CZIB: variants seen among roughly 807,000 people sequenced by gnomAD.
The protein encoded by CZIB is UPF0587 protein C1orf123.
CZIB carries 26 observed loss-of-function variants against 28.3 expected under a neutral mutation model. The ratio of observed to expected loss-of-function variants is 0.92; its 90% CI spans 0.67 to 1.27. CZIB has a LOEUF of 1.27. Among genes scored for constraint, CZIB ranks in the 50% most tolerant of loss-of-function variants. The pLI, the probability that CZIB is intolerant of heterozygous loss-of-function variation, is 0.00. For missense variants in CZIB, 179 were observed against 197.3 expected (o/e 0.91, Z 0.56); for synonymous variants, 78 against 71.1 (o/e 1.10, Z -0.49).
intron 2 of CZIB, chr1:53,219,564 G>A (rs1377126444): frequency 1.3e-5 from 2 of 153,160 alleles, no homozygotes; most frequent in East Asian, 3.9e-4. Flanking sequence ...TATGTCACTG[G>A]TATAAGCACT....
At chr1:53,217,839 C>T (rs1010085307) in intron 5 of CZIB, 6 of 319,636 alleles carry the variant, frequency 1.9e-5, no homozygotes, top group Non-Finnish European at 3.5e-5. Flanking sequence ...ATGCACCAAA[C>T]GACTACCCCA....
chr1:53,218,209 A>G lies in CZIB; in HGVS notation c.230-6T>C. On this transcript the variant is annotated splice_region_variant and splice_polypyrimidine_tract_variant and intron_variant, in intron 4 of 7. Transcript: ENST00000294360. ...GATGGTGCTGCTTAAAATCTCTGAA[A>G]TAGAAAAGAGAACACAAAGTTGACT... 1 of 1,614,116 alleles carries G rather than the reference A, an allele frequency of 6.2e-7. No homozygotes were observed. The highest frequency in any genetic ancestry group is 8.5e-7 in the Non-Finnish European group (1 of 1,179,966).
chr1:53,214,520 A>G lies in CZIB; in HGVS notation c.*139T>C, dbSNP rs959829040. 3.0e-6 allele frequency: 2 copies of G among 672,216 alleles called. No individual in the cohort carries two copies. Among genetic ancestry groups the G allele is most frequent in the Non-Finnish European group, 5.1e-6 (2 of 390,050 alleles). 41.6% of individuals were successfully genotyped at this position (672,216 alleles called of 1,614,324 possible). A position where few individuals can be genotyped will look rare whatever the true frequency, so the allele number is the denominator to read the frequency against. On this transcript the variant is annotated 3_prime_UTR_variant, in exon 8 of 8. Transcript: ENST00000294360. ...TTGATGGGGCTTGGGAAGCTGTAAT[A>G]AAGTCCAGCATGCAGATTGTGAAGG... is the stretch of plus-strand genomic sequence containing the variant.
intron 5 of CZIB, chr1:53,217,847 C>T (rs1470925401): frequency 3.0e-6 from 1 of 338,428 alleles, no homozygotes; most frequent in African/African-American, 2.1e-5. Context: ...AACGACTACC[C>T]CACCCATGGT....
Position 53,220,339 on chromosome 1 carries a change from G to C in CZIB, c.12C>G (p.Ile4Met). MGK[I>M]ALQLKATLEN... ...CCAGCGTGGCTTTGAGTTGCAGCGC[G>C]ATTTTCTGAGGGGGAGGGCCAGAGC... The change falls in exon 2 of 8, where the codon ATC (isoleucine) becomes ATG (methionine). Residue 4 changes from isoleucine (I) to methionine (M), a missense_variant. Coordinates refer to ENST00000294360, the MANE Select transcript of CZIB (RefSeq NM_017887.3). 1 of 1,612,682 alleles carries C rather than the reference G, an allele frequency of 6.2e-7. No individual in the cohort carries two copies. The highest frequency in any genetic ancestry group is 8.5e-7 in the Non-Finnish European group (1 of 1,179,898).
chr1:53,215,960 C>T, intron 7 of CZIB, 31 bp downstream of exon 7: 2 of 1,609,750 alleles, frequency 1.2e-6, no homozygotes, highest in Non-Finnish European at 1.7e-6. Context: ...AGGTGCCCTA[C>T]AGTACCTCCC....
In CZIB at chr1:53,218,951, C is replaced by A. The variant is rs201404636; in HGVS notation, c.91-28G>T. 68 of 1,602,324 alleles carry A rather than the reference C, an allele frequency of 4.2e-5. No homozygotes were observed. In the East Asian group the frequency reaches 1.4e-3, roughly 33 times the overall value. ...TTGGGGAAAAAGAATGTTAGTAAAGCAGCTGGCTCTGCTGCACAGACACCA... is the reference window on the plus strand; with the variant it reads ...TTGGGGAAAAAGAATGTTAGTAAAGAAGCTGGCTCTGCTGCACAGACACCA... On this transcript the variant is annotated intron_variant, in intron 2 of 7. Transcript: ENST00000294360.
rs377269419 is a variant in CZIB, at chr1:53,220,284, C to A, written c.67G>T (p.Glu23Ter). 2 of 1,613,460 alleles carry A rather than the reference C, an allele frequency of 1.2e-6. No homozygotes were observed. The highest frequency in any genetic ancestry group is 1.1e-5 in the South Asian group (1 of 91,084). Residue 23 changes from glutamate to a stop codon, truncating the protein, a stop_gained, in exon 2 of 8, where the codon GAG becomes TAG. Coordinates refer to ENST00000294360, the MANE Select transcript of CZIB (RefSeq NM_017887.3). LOFTEE classifies it high-confidence loss of function. ...ACCTTCAGGTACCACCGGAAGTCCT[C>A]GCCCACGGGCCGGAGGTTGGTGATG... ...ENITNLRPVGEDFRWYLKMKC... is the reference protein window; with the variant it reads ...ENITNLRPVG
intron 3 of CZIB, 88 bp downstream of exon 3, chr1:53,218,779 G>C: frequency 1.5e-6 from 2 of 1,339,602 alleles, no homozygotes; most frequent in Non-Finnish European, 2.1e-6. Context: ...GAACTGGAGA[G>C]ATGAAGGCCA....
Position 53,220,567 on chromosome 1 carries a change from C to G in CZIB, c.6+3G>C. On this transcript the variant is annotated splice_donor_region_variant and intron_variant, in intron 1 of 7. Transcript: ENST00000294360. ...GTCCCCGCGGCGGGCGGCCTCCCCT[C>G]ACCCCCATGGTAGCCCTCTCCGCCC... 1 of 1,599,006 alleles carries G rather than the reference C, an allele frequency of 6.3e-7. No individual in the cohort carries two copies. The highest frequency in any genetic ancestry group is 1.1e-5 in the South Asian group (1 of 90,956).
chr1:53,216,820 C>A lies in CZIB; in HGVS notation c.301G>T (p.Glu101Ter). The change falls in exon 6 of 8, where the codon GAG becomes TAG. Residue 101 changes from glutamate (E) to a stop codon, truncating the protein, a stop_gained. Coordinates refer to ENST00000294360, the MANE Select transcript of CZIB (RefSeq NM_017887.3). LOFTEE classifies it high-confidence loss of function. ...TCAACTGGTTCAAGGCCCCGGCACT[C>A]AAACTCCACTATTGTCTTGAAGTTC... is the stretch of plus-strand genomic sequence containing the variant. The part of the protein sequence containing the change: ...NENFKTIVEF[E>*]CRGLEPVDFQ... 1 of 1,614,224 alleles carries A rather than the reference C, an allele frequency of 6.2e-7. No individual in the cohort carries two copies. The highest frequency in any genetic ancestry group is 1.1e-5 in the South Asian group (1 of 91,084).
chr1:53,215,920 G>A (rs1645469012), intron 7 of CZIB, 71 bp downstream of exon 7: 2 of 1,494,516 alleles, frequency 1.3e-6, no homozygotes, highest in African/African-American at 2.8e-5. Flanking sequence ...CCATTGATGA[G>A]CCTTGTCCAC....
chr1:53,220,444 A>G, intron 1 of CZIB, 100 bp from the exon 2 acceptor site: 2 of 1,575,528 alleles, frequency 1.3e-6, no homozygotes, highest in Non-Finnish European at 8.6e-7. Context: ...ACAGGGAGAC[A>G]CTCCTTCTGC....
Position 53,218,174 on chromosome 1 carries a change from T to C in CZIB, c.259A>G (p.Asn87Asp). 2 of 1,614,114 alleles carry C rather than the reference T, an allele frequency of 1.2e-6. No homozygotes were observed. The highest frequency in any genetic ancestry group is 1.1e-5 in the South Asian group (1 of 91,076). Reference sequence around the variant, plus strand: ...TGCCACTACAGCAGCAAACTTACATTGTAAGGCTTGATGGTGCTGCTTAAA... The same window carrying C: ...TGCCACTACAGCAGCAAACTTACATCGTAAGGCTTGATGGTGCTGCTTAAA... ...EILSSTIKPY[N>D]AEDNENFKTI... The change falls in exon 5 of 8, where the codon AAT (asparagine) becomes GAT (aspartate). Residue 87 changes from asparagine to aspartate, a missense_variant and splice_region_variant. Asn to Asp is a conservative substitution (Grantham distance 23). Transcript: ENST00000294360.
rs1134688 is a variant in CZIB, at chr1:53,216,027, T to A, written c.369A>T (p.Ser123=). 1.2e-6 allele frequency: 2 copies of A among 1,613,976 alleles called. No individual in the cohort carries two copies. Among genetic ancestry groups the A allele is most frequent in the Non-Finnish European group, 1.7e-6 (2 of 1,179,904 alleles). The change falls in exon 7 of 8, where the codon TCA becomes TCT. Residue 123 remains serine (S), a synonymous_variant. Coordinates refer to ENST00000294360, the MANE Select transcript of CZIB (RefSeq NM_017887.3). The stretch of plus-strand genomic sequence containing the variant: ...GATTAATGTCACTGAAGGCTGTCCC[T>A]GACTCCACACCTTCAGCAGCAAACC... ...QAGFAAEGVE[S]GTAFSDINLQ...
Position 53,214,391 on chromosome 1 carries a change from T to A in CZIB, c.*268A>T. On this transcript the variant is annotated 3_prime_UTR_variant, in exon 8 of 8. Coordinates refer to ENST00000294360, the MANE Select transcript of CZIB (RefSeq NM_017887.3). Reference sequence around the variant, plus strand: ...CATCTCCTTAAAAATACTCTTCATTTTCCTAAGGAGTGAACTGCTGCTGCA... The same window carrying A: ...CATCTCCTTAAAAATACTCTTCATTATCCTAAGGAGTGAACTGCTGCTGCA... 2.4e-6 allele frequency: 1 copy of A among 418,486 alleles called. No individual in the cohort carries two copies. Among genetic ancestry groups the A allele is most frequent in the Non-Finnish European group, 4.3e-6 (1 of 230,522 alleles). 25.9% of individuals were successfully genotyped at this position (418,486 alleles called of 1,614,324 possible). A position where few individuals can be genotyped will look rare whatever the true frequency, so the allele number is the denominator to read the frequency against.
chr1:53,215,532 G>T (rs1215764582), intron 7 of CZIB, among the ~76,000 whole-genome samples: 1 of 152,086 alleles, frequency 6.6e-6, no homozygotes, highest in African/African-American at 2.4e-5. Context: ...ACTATTTCTT[G>T]TTCTTCATGG....
At position 53,214,310 on chromosome 1, in the gene CZIB, G is replaced by GTGA. The variant is rs1388767930; in HGVS notation, c.*346_*348dup. The GTGA allele has an allele frequency of 4.2e-6, 1 of 235,466 alleles. No individual in the cohort carries two copies. Among genetic ancestry groups the GTGA allele is most frequent in the East Asian group, 9.1e-5 (1 of 10,998 alleles). 14.6% of individuals were successfully genotyped at this position (235,466 alleles called of 1,614,324 possible). On this transcript the variant is annotated 3_prime_UTR_variant, in exon 8 of 8. Transcript: ENST00000294360. ...TCACCATTGGCTTCTGGCTCATTGA[G>GTGA]TGATGGTGGGATCGCGGTTTCATCT...
At chr1:53,218,110 G>A in intron 5 of CZIB, 62 bp downstream of exon 5, 1 of 1,557,708 alleles carries the variant, frequency 6.4e-7, no homozygotes, top group Non-Finnish European at 8.8e-7. Context: ...CTAGAACCCA[G>A]ACCTACTAAC....
Sources: gnomAD v4.1 joint callset for allele counts (sites outside exome capture counted in the v4.1 genomes callset) on GRCh38, gnomAD v4.1.1 for gene constraint, MANE v1.5 for transcripts, NCBI Gene and HGNC (gene_info 2026-07-23, HGNC 2026-07-21) for gene names.